Variants in LRBA observed in about 807,000 individuals in gnomAD.
LRBA encodes LPS responsive beige-like anchor protein, also known as lipopolysaccharide-responsive and beige-like anchor protein.
In LRBA, 176 loss-of-function variants were observed where a neutral mutation model predicts 330.0. The ratio of observed to expected loss-of-function variants is 0.53; its 90% CI spans 0.47 to 0.60. The LOEUF (loss-of-function observed/expected upper bound fraction) is 0.60. Ranked by LOEUF, LRBA falls within the 20% of genes least tolerant of loss-of-function variation. The probability of loss-of-function intolerance (pLI) is 0.00; values close to 1 mark genes in which losing one functional copy is unlikely to be tolerated. For synonymous variants in LRBA, 1,230 were observed against 1,193.0 expected (o/e 1.03, Z -0.64); for missense variants, 3,259 against 3,444.8 (o/e 0.95, Z 1.35).
chr4:150,724,026 G>T (rs889388848), intron 36 of LRBA, among the ~76,000 whole-genome samples: 1 of 152,228 alleles, frequency 6.6e-6, no homozygotes, highest in African/African-American at 2.4e-5. Context: ...TTGAGTGCAG[G>T]CATAATGACA....
At chr4:150,395,543 A>G (rs1744613333) in intron 47 of LRBA, among the ~76,000 whole-genome samples, 1 of 152,024 alleles carries the variant, frequency 6.6e-6, no homozygotes, top group African/African-American at 2.4e-5. Context: ...TGAGTCCGAT[A>G]CTCACACTGC....
chr4:150,339,420 A>G (rs1397372511), intron 48 of LRBA, among the ~76,000 whole-genome samples: 1 of 152,138 alleles, frequency 6.6e-6, no homozygotes, highest in East Asian at 1.9e-4. Context: ...CCAAAAACGA[A>G]GTCAGTATTC....
intron 47 of LRBA, among the ~76,000 whole-genome samples, chr4:150,381,953 T>C (rs1170668177): frequency 1.3e-5 from 2 of 152,246 alleles, no homozygotes; most frequent in African/African-American, 4.8e-5. Flanking sequence ...CATTCAGATA[T>C]CTTCTTGGGA....
At chr4:150,374,806 T>A (rs1052605508) in intron 47 of LRBA, among the ~76,000 whole-genome samples, 1 of 152,100 alleles carries the variant, frequency 6.6e-6, no homozygotes, top group Non-Finnish European at 1.5e-5. Flanking sequence ...ATATCAAAAG[T>A]GTATAATTCT....
At chr4:150,896,927 T>C (rs1438269298) in intron 15 of LRBA, among the ~76,000 whole-genome samples, 2 of 151,252 alleles carry the variant, frequency 1.3e-5, no homozygotes, top group Non-Finnish European at 3.0e-5. Flanking sequence ...CACTTCTAAA[T>C]ATGAGCTCGT....
chr4:151,002,324 T>C (rs1263898272), intron 2 of LRBA, among the ~76,000 whole-genome samples: 1 of 151,540 alleles, frequency 6.6e-6, no homozygotes, highest in African/African-American at 2.4e-5. Context: ...CCCAGCACTT[T>C]GGAAGGCTGA....
In LRBA at chr4:150,915,690, C is replaced by T. The variant is rs764605697; in HGVS notation, c.932G>A (p.Trp311Ter). The T allele has an allele frequency of 6.2e-7, 1 of 1,612,666 alleles. No homozygotes were observed. Among genetic ancestry groups the T allele is most frequent in the Admixed American group, 1.7e-5 (1 of 59,960 alleles). Reference sequence around the variant, plus strand: ...ATAACATCGAAGTTCACTATTCTTCCATCGGTTATAGATGTGTACTATGGT... The same window carrying T: ...ATAACATCGAAGTTCACTATTCTTCTATCGGTTATAGATGTGTACTATGGT... Reference protein sequence around the residue: ...MVTIVHIYNRWKNSELRCYVN... With the variant: ...MVTIVHIYNR The change falls in exon 8 of 57, where the codon TGG becomes TAG. Residue 311 changes from tryptophan to a stop codon, truncating the protein, a stop_gained. Transcript: ENST00000651943. LOFTEE classifies it high-confidence loss of function.
intron 30 of LRBA, among the ~76,000 whole-genome samples, chr4:150,820,074 T>C (rs1745203099): frequency 6.6e-6 from 1 of 152,064 alleles, no homozygotes; most frequent in Non-Finnish European, 1.5e-5. Context: ...AATATAAAAT[T>C]ATAAATTCTA....
At chr4:150,778,238 G>A (rs1394187012) in intron 34 of LRBA, among the ~76,000 whole-genome samples, 2 of 152,066 alleles carry the variant, frequency 1.3e-5, no homozygotes, top group African/African-American at 4.8e-5. Context: ...CCTTCGGAAA[G>A]TTTTGGTTTC....
chr4:150,460,429 C>A (rs1269523454), intron 44 of LRBA, among the ~76,000 whole-genome samples: 1 of 151,776 alleles, frequency 6.6e-6, no homozygotes, highest in Non-Finnish European at 1.5e-5. Flanking sequence ...ATGGTTCTGT[C>A]ACTCAGTTCT....
intron 35 of LRBA, among the ~76,000 whole-genome samples, chr4:150,754,267 A>AAT (rs1733963004): frequency 6.9e-6 from 1 of 144,546 alleles, no homozygotes; most frequent in African/African-American, 2.9e-5. Context: ...AATAAATAAG[A>AAT]AACATATGCT....
chr4:150,850,653 G>A, intron 24 of LRBA, 71 bp downstream of exon 24: 2 of 916,428 alleles, frequency 2.2e-6, no homozygotes, highest in Non-Finnish European at 3.2e-6. Context: ...ATTACAAACT[G>A]TTTCTATGGA....
intron 40 of LRBA, among the ~76,000 whole-genome samples, chr4:150,541,889 T>C (rs1561325523): frequency 6.6e-6 from 1 of 152,180 alleles, no homozygotes; most frequent in Non-Finnish European, 1.5e-5. Context: ...CTCGGTATGT[T>C]GCCCAACCTG....
At chr4:150,739,782 G>T (rs548036105) in intron 35 of LRBA, among the ~76,000 whole-genome samples, 3 of 152,112 alleles carry the variant, frequency 2.0e-5, no homozygotes, top group East Asian at 3.8e-4. Flanking sequence ...ACAACAGCCC[G>T]CAAAGAATTC....
intron 4 of LRBA, among the ~76,000 whole-genome samples, chr4:150,925,149 G>C (rs1042604757): frequency 4.2e-5 from 6 of 141,934 alleles, no homozygotes; most frequent in East Asian, 2.1e-4. Flanking sequence ...CTGGATGAGA[G>C]TGAGACCCTG....
chr4:150,976,358 G>A (rs998333993), intron 2 of LRBA, among the ~76,000 whole-genome samples: 17 of 152,090 alleles, frequency 1.1e-4, no homozygotes, highest in African/African-American at 1.9e-4. Flanking sequence ...TTTCACTAAT[G>A]ATGCAGAGCT....
At position 150,554,413 on chromosome 4, in the gene LRBA, A is replaced by C. The variant is rs549850559; in HGVS notation, c.6330+33635T>G. Among the ~76,000 whole-genome samples the C allele has an allele frequency of 3.3e-5, 5 of 152,370 alleles. No individual in the cohort carries two copies. In the South Asian group the frequency reaches 1.0e-3, roughly 32 times the overall value. ...GAGACAAGAGTTACTAAGCCAGGACAGAAATCAGAAACCAAAATGTAATAA... is the reference window on the plus strand; with the variant it reads ...GAGACAAGAGTTACTAAGCCAGGACCGAAATCAGAAACCAAAATGTAATAA... On this transcript the variant is annotated intron_variant, in intron 40 of 56. Coordinates refer to ENST00000651943, the MANE Select transcript of LRBA (RefSeq NM_001364905.1).
intron 28 of LRBA, among the ~76,000 whole-genome samples, chr4:150,838,245 T>C (rs1748469017): frequency 6.6e-6 from 1 of 152,234 alleles, no homozygotes; most frequent in Admixed American, 6.5e-5. Context: ...ATTTCAACTT[T>C]GGTGAATTTC....
intron 36 of LRBA, among the ~76,000 whole-genome samples, chr4:150,723,164 G>A (rs1273022930): frequency 6.6e-6 from 1 of 152,134 alleles, no homozygotes; most frequent in Non-Finnish European, 1.5e-5. Context: ...CCTAGTGCTG[G>A]GTTGGGCTCA....
Sources: gnomAD v4.1 joint callset for allele counts (sites outside exome capture counted in the v4.1 genomes callset) on GRCh38, gnomAD v4.1.1 for gene constraint, MANE v1.5 for transcripts, NCBI Gene and HGNC (gene_info 2026-07-23, HGNC 2026-07-21) for gene names.